Variants in ACTN2 observed in about 807,000 individuals in gnomAD.
The protein encoded by ACTN2 is actinin alpha 2, also known as alpha-actinin-2.
In ACTN2, 39 loss-of-function variants were observed where a neutral mutation model predicts 113.8. The ratio of observed to expected loss-of-function variants is 0.34; its 90% CI spans 0.27 to 0.45. The LOEUF (loss-of-function observed/expected upper bound fraction) is 0.45. Ranked by LOEUF, ACTN2 falls within the 20% of genes least tolerant of loss-of-function variation. The pLI is 1.00. For missense variants in ACTN2, 992 were observed against 1,177.9 expected, an observed-to-expected ratio of 0.84 and a Z score of 2.31; for synonymous variants, 429 against 444.1, an observed-to-expected ratio of 0.97 and a Z score of 0.43.
intron 8 of ACTN2, 150 bp from the exon 9 acceptor site, chr1:236,736,972 T>C (rs1658896467): frequency 4.4e-6 from 3 of 676,920 alleles, no homozygotes; most frequent in Non-Finnish European, 8.1e-6. Flanking sequence ...GCATAAGCCA[T>C]GCCTTCAGTC....
At chr1:236,760,915 G>T in intron 19 of ACTN2, 100 bp from the exon 20 acceptor site, 1 of 1,474,622 alleles carries the variant, frequency 6.8e-7, no homozygotes, top group Non-Finnish European at 9.5e-7. Context: ...TCAGTTTTCA[G>T]ACATAAAGGA....
At chr1:236,701,856 T>C (rs998221486) in intron 1 of ACTN2, among the ~76,000 whole-genome samples, 1 of 152,212 alleles carries the variant, frequency 6.6e-6, no homozygotes, top group African/African-American at 2.4e-5. Flanking sequence ...TGATAAATCA[T>C]GTTGAATAGA....
At position 236,754,113 on chromosome 1, in the gene ACTN2, A is replaced by G. The variant is rs755403696; in HGVS notation, c.1974+32A>G. The G allele has an allele frequency of 1.9e-6, 3 of 1,611,828 alleles. No homozygotes were observed. The highest frequency in any genetic ancestry group is 2.7e-5 in the African/African-American group (2 of 74,942). On this transcript the variant is annotated intron_variant, in intron 16 of 20. Transcript: ENST00000366578. The surrounding 1 kb of genome is among the most constrained non-coding windows in gnomAD (Gnocchi z 4.9). ...CAGCGCCCTCCCAGGCGCTGTTCAC[A>G]AGCCTTGCGATAAGTCCCTTTAGCC... is the stretch of plus-strand genomic sequence containing the variant.
intron 15 of ACTN2, 96 bp from the exon 16 acceptor site, chr1:236,753,851 T>TTCCC: frequency 1.0e-6 from 1 of 966,968 alleles, no homozygotes; most frequent in Non-Finnish European, 1.5e-6. Flanking sequence ...CCTTCTCCAC[T>TTCCC]CCCACCCCCA....
In ACTN2 at chr1:236,742,801, T is replaced by C. The variant is rs899227032; in HGVS notation, c.1108-95T>C. On this transcript the variant is annotated intron_variant, in intron 10 of 20. Coordinates refer to ENST00000366578, the MANE Select transcript of ACTN2 (RefSeq NM_001103.4). ...AAACAAAAGGAAAACACCATCAAAA[T>C]GTAGTGGAGGGATTTATAGAAGAAG... The C allele has an allele frequency of 2.7e-6, 4 of 1,462,410 alleles. No homozygotes were observed. In the African/African-American group the frequency reaches 5.6e-5, roughly 20 times the overall value. 90.6% of individuals were successfully genotyped at this position (1,462,410 alleles called of 1,614,324 possible). A position where few individuals can be genotyped will look rare whatever the true frequency, so the allele number is the denominator to read the frequency against.
chr1:236,749,594 C>T (rs1287140915), intron 14 of ACTN2, among the ~76,000 whole-genome samples: 2 of 151,798 alleles, frequency 1.3e-5, no homozygotes, highest in African/African-American at 4.8e-5. Context: ...CTCAGGTGTT[C>T]GAGACCAGCC....
At chr1:236,711,139 A>G (rs966970711) in intron 1 of ACTN2, among the ~76,000 whole-genome samples, 2 of 152,168 alleles carry the variant, frequency 1.3e-5, no homozygotes, top group Admixed American at 1.3e-4. Context: ...GAGCATCTGC[A>G]CCCACTGACT....
intron 1 of ACTN2, among the ~76,000 whole-genome samples, chr1:236,704,261 C>T (rs1657761168): frequency 6.6e-6 from 1 of 152,192 alleles, no homozygotes; most frequent in Non-Finnish European, 1.5e-5. Flanking sequence ...GTGGAAAAAA[C>T]TCAAACTGTG....
intron 6 of ACTN2, among the ~76,000 whole-genome samples, chr1:236,730,178 G>C: frequency 6.6e-6 from 1 of 152,074 alleles, no homozygotes; most frequent in East Asian, 1.9e-4. Flanking sequence ...ATACTTAATT[G>C]GCACATTTTA....
chr1:236,722,388 G>A (rs994124257), intron 4 of ACTN2, among the ~76,000 whole-genome samples: 1 of 152,262 alleles, frequency 6.6e-6, no homozygotes, highest in East Asian at 1.9e-4. Context: ...TGTAACCCCA[G>A]CACTTTGGGA....
Position 236,739,439 on chromosome 1 carries a change from A to G in ACTN2, c.1014A>G (p.Lys338=). The change falls in exon 10 of 21, where the codon AAA becomes AAG. Residue 338 remains lysine (K), a synonymous_variant. Coordinates refer to ENST00000366578, the MANE Select transcript of ACTN2 (RefSeq NM_001103.4). Reference sequence around the variant, plus strand: ...ACAAGCCACCCAAGGTGCAGGAGAAATGCCAGCTGGAGATCAACTTCAACA... The same window carrying G: ...ACAAGCCACCCAAGGTGCAGGAGAAGTGCCAGCTGGAGATCAACTTCAACA... ...RKHKPPKVQE[K]CQLEINFNTL... 4 of 1,614,094 alleles carry G rather than the reference A, an allele frequency of 2.5e-6. No homozygotes were observed. Among genetic ancestry groups the G allele is most frequent in the Non-Finnish European group, 3.4e-6 (4 of 1,180,016 alleles).
chr1:236,689,539 T>G (rs1666005081), intron 1 of ACTN2, among the ~76,000 whole-genome samples: 1 of 151,788 alleles, frequency 6.6e-6, no homozygotes, highest in South Asian at 2.1e-4. Context: ...AAAACTTTTT[T>G]TGTAGAGACA....
At chr1:236,734,349 A>ATTC (rs1658802596) in intron 7 of ACTN2, 1 of 971,558 alleles carries the variant, frequency 1.0e-6, no homozygotes. Context: ...AGGATTCCTG[A>ATTC]TTCCAACACC....
chr1:236,715,813 A>G (rs1179396506), intron 1 of ACTN2, among the ~76,000 whole-genome samples: 2 of 152,034 alleles, frequency 1.3e-5, no homozygotes, highest in Admixed American at 6.5e-5. Context: ...AAAATCAGCT[A>G]GGTGTGGTGG....
In ACTN2 at chr1:236,744,793, T is replaced by TCCG; in HGVS notation, c.1406+18_1406+20dup. 6.2e-7 allele frequency: 1 copy of TCCG among 1,613,946 alleles called. No individual in the cohort carries two copies. Among genetic ancestry groups the TCCG allele is most frequent in the Non-Finnish European group, 8.5e-7 (1 of 1,179,958 alleles). On this transcript the variant is annotated intron_variant, in intron 12 of 20. Transcript: ENST00000366578. ...GGAGCTCAAGTATGTGCAGATGCCCTCCGTCCTCCCGGGAGCCCCTGGGAT... is the reference window on the plus strand; with the variant it reads ...GGAGCTCAAGTATGTGCAGATGCCCTCCGCCGTCCTCCCGGGAGCCCCTGGGAT...
chr1:236,713,014 C>A (rs1243492807), intron 1 of ACTN2, among the ~76,000 whole-genome samples: 1 of 150,442 alleles, frequency 6.6e-6, no homozygotes, highest in African/African-American at 2.4e-5. Flanking sequence ...TTAAAAATTC[C>A]TTTAAAGTAA....
chr1:236,694,092 T>C (rs1359361801), intron 1 of ACTN2, among the ~76,000 whole-genome samples: 1 of 152,166 alleles, frequency 6.6e-6, no homozygotes, highest in Non-Finnish European at 1.5e-5. Flanking sequence ...GAGGTCTGCC[T>C]TCTAGAGCAG....
chr1:236,717,424 T>C (rs1312854639), intron 1 of ACTN2, among the ~76,000 whole-genome samples: 1 of 152,108 alleles, frequency 6.6e-6, no homozygotes, highest in African/African-American at 2.4e-5. Context: ...GTGACAGAGC[T>C]GGATGACCCT....
At chr1:236,749,382 G>T in intron 14 of ACTN2, 118 bp downstream of exon 14, 2 of 1,374,972 alleles carry the variant, frequency 1.5e-6, no homozygotes, top group South Asian at 1.3e-5. Context: ...AACAAATGTG[G>T]CTAGAAAGCC....
Sources: gnomAD v4.1 joint callset for allele counts (sites outside exome capture counted in the v4.1 genomes callset) on GRCh38, gnomAD v4.1.1 for gene constraint, Gnocchi (gnomAD v3.1) non-coding constraint, MANE v1.5 for transcripts, NCBI Gene and HGNC (gene_info 2026-07-23, HGNC 2026-07-21) for gene names.